Variants in ROBO1 observed in about 807,000 individuals in gnomAD.
The protein encoded by ROBO1 is roundabout homolog 1.
In ROBO1, 149 loss-of-function variants were observed where a neutral mutation model predicts 195.9. The observed-to-expected ratio is 0.76, with a 90% confidence interval of 0.67 to 0.87. The LOEUF (loss-of-function observed/expected upper bound fraction) is 0.87. ROBO1 is among the 40% of genes least tolerant of loss of function. The pLI is 0.00. For missense variants in ROBO1, 1,933 were observed against 2,068.3 expected (o/e 0.93, Z 1.27); for synonymous variants, 816 against 733.2 (o/e 1.11, Z -1.82).
intron 2 of ROBO1, among the ~76,000 whole-genome samples, chr3:79,299,286 G>C (rs1244791537): frequency 6.6e-6 from 1 of 152,142 alleles, no homozygotes; most frequent in African/African-American, 2.4e-5. Flanking sequence ...GACATAGTTT[G>C]AATCCTGGCT....
intron 1 of ROBO1, among the ~76,000 whole-genome samples, chr3:79,609,957 G>A (rs772820600): frequency 5.3e-5 from 8 of 152,016 alleles, no homozygotes; most frequent in African/African-American, 9.6e-5. Context: ...CTGAATGAAT[G>A]TAATGCCTTT....
intron 2 of ROBO1, among the ~76,000 whole-genome samples, chr3:79,577,160 T>G (rs774323978): frequency 6.6e-6 from 1 of 152,204 alleles, no homozygotes; most frequent in African/African-American, 2.4e-5. Context: ...AAAAATGTTA[T>G]TTGTAATGTT....
At chr3:78,683,986 T>C (rs1022723557) in intron 10 of ROBO1, among the ~76,000 whole-genome samples, 1 of 152,030 alleles carries the variant, frequency 6.6e-6, no homozygotes, top group African/African-American at 2.4e-5. Flanking sequence ...GGAAGAAATA[T>C]TTCCAATATA....
chr3:79,712,684 T>TG (rs1043097691), intron 1 of ROBO1, among the ~76,000 whole-genome samples: 8 of 152,006 alleles, frequency 5.3e-5, no homozygotes, highest in African/African-American at 1.9e-4. Context: ...AGCCTTCAAC[T>TG]GGAAAAAAAA....
chr3:79,594,421 C>G (rs1045028282), intron 1 of ROBO1, among the ~76,000 whole-genome samples: 2 of 151,850 alleles, frequency 1.3e-5, no homozygotes, highest in Non-Finnish European at 2.9e-5. Flanking sequence ...ATTAAGAAAA[C>G]TAACACTATA....
chr3:79,391,716 G>A (rs1283812800), intron 2 of ROBO1, among the ~76,000 whole-genome samples: 1 of 151,578 alleles, frequency 6.6e-6, no homozygotes, highest in Non-Finnish European at 1.5e-5. Flanking sequence ...TATCACTAGG[G>A]GATAAAAGCA....
chr3:79,711,508 G>T (rs905436661), intron 1 of ROBO1, among the ~76,000 whole-genome samples: 1 of 151,916 alleles, frequency 6.6e-6, no homozygotes, highest in Non-Finnish European at 1.5e-5. Context: ...GTTTAGAAAA[G>T]AATTAAAATA....
chr3:79,396,751 C>A (rs527404767), intron 2 of ROBO1, among the ~76,000 whole-genome samples: 4 of 152,084 alleles, frequency 2.6e-5, no homozygotes, highest in Admixed American at 6.6e-5. Context: ...CAGGTTTCAT[C>A]TGCTTTGTAG....
Position 79,144,369 on chromosome 3 carries a change from C to A in ROBO1, c.89-18830G>T, listed in dbSNP as rs529779791. 7.2e-5 allele frequency among the ~76,000 whole-genome samples: 11 copies of A among 152,136 alleles called. No individual in the cohort carries two copies. In the East Asian group the frequency reaches 1.4e-3, roughly 19 times the overall value. On this transcript the variant is annotated intron_variant, in intron 2 of 30. Transcript: ENST00000464233. ...CATTAGGATTAGGTTAAAGTTAAAC[C>A]TCTGAGAGCTCGTTCCTTTTCTCCC...
chr3:79,587,082 T>C (rs1048507390), intron 2 of ROBO1, among the ~76,000 whole-genome samples: 1 of 151,856 alleles, frequency 6.6e-6, no homozygotes, highest in African/African-American at 2.4e-5. Context: ...CTAAAACAGT[T>C]TATTTTCAAC....
chr3:79,721,259 T>G (rs1373937653), intron 1 of ROBO1, among the ~76,000 whole-genome samples: 1 of 152,224 alleles, frequency 6.6e-6, no homozygotes, highest in African/African-American at 2.4e-5. Flanking sequence ...TGGAGATAAT[T>G]ACTCTCCTCT....
In ROBO1 at chr3:78,661,229, A is replaced by G. The variant is rs750390746; in HGVS notation, c.2121T>C (p.Tyr707=). Residue 707 remains tyrosine (Y), a synonymous_variant, in exon 16 of 31, where the codon TAT becomes TAC. Coordinates refer to ENST00000464233, the MANE Select transcript of ROBO1 (RefSeq NM_002941.4). ...CTCCAGATGGCCGATAGAGAATTTT[A>G]TATCCTTGTATATACTGAGACTGTT... ...VDQQSQYIQG[Y]KILYRPSGAN... The G allele has an allele frequency of 6.8e-6, 11 of 1,609,756 alleles. No individual in the cohort carries two copies. In the East Asian group the frequency reaches 8.9e-5, roughly 13 times the overall value.
intron 1 of ROBO1, among the ~76,000 whole-genome samples, chr3:79,597,441 CATAAAA>C (rs1944211346): frequency 6.6e-6 from 1 of 151,846 alleles, no homozygotes. Flanking sequence ...ATGGCATACA[CATAAAA>C]ATAGAGTACA....
At chr3:78,811,555 A>T (rs2084740552) in intron 4 of ROBO1, among the ~76,000 whole-genome samples, 2 of 152,088 alleles carry the variant, frequency 1.3e-5, no homozygotes, top group South Asian at 4.1e-4. Flanking sequence ...TTGCCCTGAA[A>T]ATAGAATCCA....
At chr3:78,928,965 GA>G (rs779463564) in intron 4 of ROBO1, among the ~76,000 whole-genome samples, 12 of 152,090 alleles carry the variant, frequency 7.9e-5, no homozygotes, top group Non-Finnish European at 1.3e-4. Context: ...GGGAGAGATT[GA>G]GATATATAAA....
intron 2 of ROBO1, among the ~76,000 whole-genome samples, chr3:79,431,173 AG>A (rs1376290351): frequency 6.6e-6 from 1 of 152,178 alleles, no homozygotes; most frequent in African/African-American, 2.4e-5. Flanking sequence ...CATGAGGGCC[AG>A]TTGCGTTAGA....
intron 1 of ROBO1, among the ~76,000 whole-genome samples, chr3:79,598,968 C>G (rs1279450126): frequency 6.6e-6 from 1 of 152,076 alleles, no homozygotes; most frequent in Non-Finnish European, 1.5e-5. Context: ...AAAGCCAGGA[C>G]TAAACCTATT....
intron 2 of ROBO1, among the ~76,000 whole-genome samples, chr3:79,356,468 AGAGT>A (rs1430176449): frequency 3.3e-5 from 5 of 152,230 alleles, no homozygotes; most frequent in Non-Finnish European, 7.3e-5. Flanking sequence ...ATTCATTAAT[AGAGT>A]AAGTCTCAAC....
At chr3:79,181,701 T>A (rs2081342520) in intron 2 of ROBO1, among the ~76,000 whole-genome samples, 1 of 152,084 alleles carries the variant, frequency 6.6e-6, no homozygotes, top group Non-Finnish European at 1.5e-5. Context: ...TCACTCAGCC[T>A]ACCTAGACAA....
Sources: gnomAD v4.1 joint callset for allele counts (sites outside exome capture counted in the v4.1 genomes callset) on GRCh38, gnomAD v4.1.1 for gene constraint, MANE v1.5 for transcripts, NCBI Gene and HGNC (gene_info 2026-07-23, HGNC 2026-07-21) for gene names.